Variants in B3GALT1 observed in about 807,000 individuals in gnomAD.
B3GALT1 encodes beta-1,3-galactosyltransferase 1.
B3GALT1 carries 10 observed loss-of-function variants against 23.2 expected under a neutral mutation model. The observed-to-expected ratio is 0.43, with a 90% CI of 0.27 to 0.73. B3GALT1 has a LOEUF of 0.73. Among genes scored for constraint, B3GALT1 ranks in the 30% least tolerant of loss-of-function variants. The probability of loss-of-function intolerance (pLI) is 0.21; values close to 1 mark genes in which losing one functional copy is unlikely to be tolerated. For synonymous variants in B3GALT1, 156 were observed against 141.5 expected (o/e 1.10, Z -0.73); for missense variants, 299 against 405.4 (o/e 0.74, Z 2.25).
chr2:167,622,956 A>G (rs1050145816), intron 2 of B3GALT1, among the ~76,000 whole-genome samples: 2 of 152,138 alleles, frequency 1.3e-5, no homozygotes, highest in Non-Finnish European at 2.9e-5. Context: ...TCAAGATTAT[A>G]AAATCTTTTG....
At chr2:167,622,628 TTCA>T (rs1167245804) in intron 2 of B3GALT1, among the ~76,000 whole-genome samples, 1 of 152,132 alleles carries the variant, frequency 6.6e-6, no homozygotes, top group African/African-American at 2.4e-5. Flanking sequence ...TATTTCATAC[TTCA>T]TCATGTGTAA....
intron 1 of B3GALT1, among the ~76,000 whole-genome samples, chr2:167,296,044 C>T (rs1218557884): frequency 6.6e-6 from 1 of 152,098 alleles, no homozygotes; most frequent in Admixed American, 6.5e-5. Flanking sequence ...ACCATTTCTG[C>T]GAATGTACTT....
intron 3 of B3GALT1, among the ~76,000 whole-genome samples, chr2:167,654,902 A>AGTGTT (rs1178796446): frequency 6.6e-6 from 1 of 151,910 alleles, no homozygotes; most frequent in Non-Finnish European, 1.5e-5. Flanking sequence ...ACTACCCACT[A>AGTGTT]AATCAGTAGT....
At position 167,593,487 on chromosome 2, in the gene B3GALT1, A is replaced by G. The variant is rs573154775; in HGVS notation, c.-409-53422A>G. On this transcript the variant is annotated intron_variant, in intron 2 of 4. Coordinates refer to ENST00000392690, the MANE Select transcript of B3GALT1 (RefSeq NM_020981.4). ...GTCTAAAATTATATCCACAAAACTC[A>G]TAACAGTGGTTACAGGGAATGGGCA... 2.0e-5 allele frequency among the ~76,000 whole-genome samples: 3 copies of G among 152,366 alleles called. No homozygotes were observed. In the South Asian group the frequency reaches 6.2e-4, roughly 32 times the overall value.
intron 1 of B3GALT1, among the ~76,000 whole-genome samples, chr2:167,407,059 G>A (rs1698291974): frequency 6.6e-6 from 1 of 152,066 alleles, no homozygotes; most frequent in East Asian, 1.9e-4. Flanking sequence ...ATTAGCAAAT[G>A]GAACATTCTT....
chr2:167,794,410 G>A (rs1049809629), intron 3 of B3GALT1, among the ~76,000 whole-genome samples: 3 of 152,142 alleles, frequency 2.0e-5, no homozygotes, highest in Non-Finnish European at 4.4e-5. Flanking sequence ...ATTTACTGTT[G>A]CATAAAAAAT....
At chr2:167,848,651 A>G (rs1689810993) in intron 4 of B3GALT1, among the ~76,000 whole-genome samples, 1 of 152,196 alleles carries the variant, frequency 6.6e-6, no homozygotes, top group South Asian at 2.1e-4. Context: ...TGAATGGGGA[A>G]AAGTTGAAAG....
chr2:167,360,949 A>T (rs1697490384), intron 1 of B3GALT1, among the ~76,000 whole-genome samples: 1 of 152,162 alleles, frequency 6.6e-6, no homozygotes, highest in Admixed American at 6.5e-5. Context: ...GAATGAGAAC[A>T]TGTGGACATT....
intron 1 of B3GALT1, among the ~76,000 whole-genome samples, chr2:167,374,570 G>A (rs909156187): frequency 6.6e-6 from 1 of 152,050 alleles, no homozygotes; most frequent in African/African-American, 2.4e-5. Flanking sequence ...ATGTAAGATG[G>A]TATCTCACTG....
At chr2:167,699,458 C>T (rs1156972518) in intron 3 of B3GALT1, among the ~76,000 whole-genome samples, 1 of 142,682 alleles carries the variant, frequency 7.0e-6, no homozygotes, top group Non-Finnish European at 1.5e-5. Flanking sequence ...ACATACTCTC[C>T]TTTAGTTGAA....
At position 167,393,350 on chromosome 2, in the gene B3GALT1, T is replaced by C. The variant is rs551917807; in HGVS notation, c.-510-96827T>C. ...TCTTAAGCACCAAGGTTCATTAAAG[T>C]AGATTTGGGCAACACCAAGATACTC... is the stretch of plus-strand genomic sequence containing the variant. On this transcript the variant is annotated intron_variant, in intron 1 of 4. Transcript: ENST00000392690. 9.3e-5 allele frequency among the ~76,000 whole-genome samples: 14 copies of C among 151,218 alleles called. No individual in the cohort carries two copies. In the South Asian group the frequency reaches 2.1e-3, roughly 23 times the overall value.
At chr2:167,823,772 T>C (rs1689157065) in intron 4 of B3GALT1, among the ~76,000 whole-genome samples, 2 of 152,242 alleles carry the variant, frequency 1.3e-5, no homozygotes, top group Admixed American at 1.3e-4. Flanking sequence ...CACTGCTGAA[T>C]ATGCTGTCAG....
At chr2:167,709,693 T>G (rs1687020716) in intron 3 of B3GALT1, among the ~76,000 whole-genome samples, 1 of 152,146 alleles carries the variant, frequency 6.6e-6, no homozygotes, top group African/African-American at 2.4e-5. Context: ...TGATAAGTGA[T>G]TTTCACATAT....
intron 3 of B3GALT1, among the ~76,000 whole-genome samples, chr2:167,785,339 T>A (rs934390579): frequency 6.6e-6 from 1 of 152,094 alleles, no homozygotes; most frequent in Non-Finnish European, 1.5e-5. Context: ...GAATAGAGAA[T>A]CGACCGAGAA....
At chr2:167,863,309 G>A (rs1468507389) in intron 4 of B3GALT1, among the ~76,000 whole-genome samples, 1 of 152,066 alleles carries the variant, frequency 6.6e-6, no homozygotes, top group Non-Finnish European at 1.5e-5. Flanking sequence ...TAGAAGAATG[G>A]ATCAATATAT....
At chr2:167,716,899 A>G (rs1196337229) in intron 3 of B3GALT1, among the ~76,000 whole-genome samples, 1 of 152,076 alleles carries the variant, frequency 6.6e-6, no homozygotes, top group African/African-American at 2.4e-5. Flanking sequence ...ATCACAGTCA[A>G]TTGGTATCAT....
intron 1 of B3GALT1, among the ~76,000 whole-genome samples, chr2:167,340,603 T>A (rs534369509): frequency 2.6e-5 from 4 of 152,282 alleles, no homozygotes; most frequent in Non-Finnish European, 5.9e-5. Context: ...AGAGATAGAC[T>A]TAGTCTTCCA....
At chr2:167,304,908 C>G (rs1016059248) in intron 1 of B3GALT1, among the ~76,000 whole-genome samples, 2 of 152,156 alleles carry the variant, frequency 1.3e-5, no homozygotes, top group African/African-American at 4.8e-5. Context: ...CTAAGAACAT[C>G]AGTGTCCAAG....
intron 2 of B3GALT1, among the ~76,000 whole-genome samples, chr2:167,610,302 G>A (rs1484225442): frequency 2.6e-5 from 4 of 152,064 alleles, no homozygotes; most frequent in Non-Finnish European, 1.5e-5. Context: ...ATTTAACCGT[G>A]CTTAAAATCA....
Sources: allele counts gnomAD v4.1 joint callset (sites outside exome capture counted in the v4.1 genomes callset), GRCh38; gene constraint gnomAD v4.1.1; transcripts MANE v1.5; gene names NCBI Gene and HGNC (gene_info 2026-07-23, HGNC 2026-07-21).